KIRREL3: variants seen among roughly 807,000 people sequenced by gnomAD.
The protein encoded by KIRREL3 is kirre like nephrin family adhesion molecule 3, also known as kin of IRRE-like protein 3.
In KIRREL3, 36 loss-of-function variants were observed where a neutral mutation model predicts 89.7. That is an observed-to-expected ratio of 0.40 (90% CI 0.31 to 0.53). KIRREL3 has a LOEUF of 0.53. KIRREL3 is among the 20% of genes least tolerant of loss of function. The probability of loss-of-function intolerance (pLI) is 0.49; values close to 1 mark genes in which losing one functional copy is unlikely to be tolerated. For synonymous variants in KIRREL3, 445 were observed against 441.4 expected (o/e 1.01, Z -0.10); for missense variants, 864 against 1,056.6 (o/e 0.82, Z 2.53).
At chr11:126,511,386 G>A (rs146842827) in intron 4 of KIRREL3, among the ~76,000 whole-genome samples, 7 of 151,592 alleles carry the variant, frequency 4.6e-5, no homozygotes, top group Non-Finnish European at 5.9e-5. Context: ...AGAGGCAGTC[G>A]GTCATGGGTC....
intron 10 of KIRREL3, among the ~76,000 whole-genome samples, chr11:126,442,212 G>C (rs2134182042): frequency 7.0e-6 from 1 of 141,910 alleles, no homozygotes; most frequent in Non-Finnish European, 1.5e-5. Context: ...AGTGAGCCGA[G>C]ATTGCGCCAC....
At position 126,643,477 on chromosome 11, in the gene KIRREL3, GA is replaced by G. The variant is rs1944549675; in HGVS notation, c.56-80566del. Among the ~76,000 whole-genome samples the G allele has an allele frequency of 6.6e-6, 1 of 152,124 alleles. No homozygotes were observed. Among genetic ancestry groups the G allele is most frequent in the African/African-American group, 2.4e-5 (1 of 41,426 alleles). On this transcript the variant is annotated intron_variant, in intron 1 of 16. Coordinates refer to ENST00000525144, the MANE Select transcript of KIRREL3 (RefSeq NM_032531.4). The surrounding 1 kb of genome is among the most constrained non-coding windows in gnomAD (Gnocchi z 4.5). The stretch of plus-strand genomic sequence containing the variant: ...GGGAAAAAACATGAGTATTGAAGTG[GA>G]AAAGAGGAGGTCATGGTTCAGGGAA...
rs1946502032 is a variant in KIRREL3 at position 126,904,622 on chromosome 11, C to A, written c.55+95833G>T. Reference sequence around the variant, plus strand: ...TTTTGACATCAGGAAAAGAAATAATCTGTCTTACAAGGCTGTTCTTACTTA... The same window carrying A: ...TTTTGACATCAGGAAAAGAAATAATATGTCTTACAAGGCTGTTCTTACTTA... On this transcript the variant is annotated intron_variant, in intron 1 of 16. Coordinates refer to ENST00000525144, the MANE Select transcript of KIRREL3 (RefSeq NM_032531.4). The surrounding 1 kb of genome is among the most constrained non-coding windows in gnomAD (Gnocchi z 4.4). 6.6e-6 allele frequency among the ~76,000 whole-genome samples: 1 copy of A among 152,184 alleles called. No individual in the cohort carries two copies. The highest frequency in any genetic ancestry group is 2.4e-5 in the African/African-American group (1 of 41,452).
chr11:126,697,876 G>A lies in KIRREL3; in HGVS notation c.56-134964C>T, dbSNP rs993776863. Among the ~76,000 whole-genome samples the A allele has an allele frequency of 6.6e-6, 1 of 152,204 alleles. No individual in the cohort carries two copies. Among genetic ancestry groups the A allele is most frequent in the African/African-American group, 2.4e-5 (1 of 41,456 alleles). ...TCTTTGTTGGTGATGAGGAGAGTGG[G>A]AGGAAGGGAGAGTGAAGGAAGAAGA... On this transcript the variant is annotated intron_variant, in intron 1 of 16. Transcript: ENST00000525144. The surrounding 1 kb of genome is among the most constrained non-coding windows in gnomAD (Gnocchi z 4.2).
intron 4 of KIRREL3, among the ~76,000 whole-genome samples, 152 bp from the exon 5 acceptor site, chr11:126,473,618 A>G (rs1956988131): frequency 6.6e-6 from 1 of 152,124 alleles, no homozygotes; most frequent in East Asian, 2.0e-4. Context: ...TGATGAGAGC[A>G]GCACCCACAG....
chr11:126,958,861 C>T lies in KIRREL3; in HGVS notation c.55+41594G>A, dbSNP rs148279634. On this transcript the variant is annotated intron_variant, in intron 1 of 16. Coordinates refer to ENST00000525144, the MANE Select transcript of KIRREL3 (RefSeq NM_032531.4). ...TGATGGTTAATTTTATGTGTCAACT[C>T]GACTGGGTTATAAAATTCCCAGATA... 3.2e-3 allele frequency among the ~76,000 whole-genome samples: 483 copies of T among 152,242 alleles called. 1 individual carries two copies. Among genetic ancestry groups the T allele is most frequent in the Admixed American group, 4.3e-3 (65 of 15,292 alleles).
chr11:126,926,024 C>T (rs1947698601), intron 1 of KIRREL3, among the ~76,000 whole-genome samples: 2 of 152,218 alleles, frequency 1.3e-5, no homozygotes, highest in African/African-American at 2.4e-5. Context: ...GGCTGTCTTC[C>T]CATGATGTTC....
intron 1 of KIRREL3, among the ~76,000 whole-genome samples, chr11:126,725,689 C>G (rs908462240): frequency 5.3e-5 from 8 of 152,200 alleles, no homozygotes; most frequent in Non-Finnish European, 1.2e-4. Context: ...TGAGCCCGCT[C>G]TGCCCTCGCT....
rs777802740 is a variant in KIRREL3 at position 126,768,737 on chromosome 11, A to G, written c.56-205825T>C. Among the ~76,000 whole-genome samples, 1 of 152,164 alleles carries G rather than the reference A, an allele frequency of 6.6e-6. No homozygotes were observed. The highest frequency in any genetic ancestry group is 1.5e-5 in the Non-Finnish European group (1 of 68,038). On this transcript the variant is annotated intron_variant, in intron 1 of 16. Coordinates refer to ENST00000525144, the MANE Select transcript of KIRREL3 (RefSeq NM_032531.4). The surrounding 1 kb of genome is among the most constrained non-coding windows in gnomAD (Gnocchi z 4.5). ...GAGCAAGTGCAAAGGTCCTAAGGTGAGAATGACCCAGGTGCCTTCAGGAAT... is the reference window on the plus strand; with the variant it reads ...GAGCAAGTGCAAAGGTCCTAAGGTGGGAATGACCCAGGTGCCTTCAGGAAT...
Position 126,856,881 on chromosome 11 carries a change from C to T in KIRREL3, c.55+143574G>A, listed in dbSNP as rs370112811. 1.2e-3 allele frequency among the ~76,000 whole-genome samples: 183 copies of T among 152,222 alleles called. 3 individuals carry two copies. The South Asian group carries it at 0.036, about 30-fold the overall frequency. The stretch of plus-strand genomic sequence containing the variant: ...GTGCTGGGATTACAGGAGTGAGCCA[C>T]TGCGCTGGGCCCATATTTTGTATTT... On this transcript the variant is annotated intron_variant, in intron 1 of 16. Coordinates refer to ENST00000525144, the MANE Select transcript of KIRREL3 (RefSeq NM_032531.4).
chr11:126,496,378 C>T lies in KIRREL3; in HGVS notation c.434-22912G>A, dbSNP rs1022981035. On this transcript the variant is annotated intron_variant, in intron 4 of 16. Transcript: ENST00000525144. This position sits in a 1 kb window ranked among gnomAD's most constrained non-coding sequence, Gnocchi z 4.9. ...CTTTATAGATGAAGAAACTGAGGGT[C>T]AGAGAGGCTAAGTGATTTGGACAAG... 6.6e-6 allele frequency among the ~76,000 whole-genome samples: 1 copy of T among 152,122 alleles called. No homozygotes were observed. The highest frequency in any genetic ancestry group is 1.5e-5 in the Non-Finnish European group (1 of 68,048).
Position 126,513,731 on chromosome 11 carries a change from C to T in KIRREL3, c.433+7584G>A, listed in dbSNP as rs184402230. Among the ~76,000 whole-genome samples, 78 of 152,104 alleles carry T rather than the reference C, an allele frequency of 5.1e-4. No individual in the cohort carries two copies. Among genetic ancestry groups the T allele is most frequent in the Admixed American group, 1.8e-3 (27 of 15,288 alleles). ...GGGGCAGGGAGATTGTGGGGGGCGA[C>T]CTTGGAGTGCAGCAGGAGGGCAGGG... On this transcript the variant is annotated intron_variant, in intron 4 of 16. Coordinates refer to ENST00000525144, the MANE Select transcript of KIRREL3 (RefSeq NM_032531.4). The surrounding 1 kb of genome is among the most constrained non-coding windows in gnomAD (Gnocchi z 5.9).
rs1951060717 is a variant in KIRREL3, at chr11:126,802,293, C to A, written c.55+198162G>T. On this transcript the variant is annotated intron_variant, in intron 1 of 16. Coordinates refer to ENST00000525144, the MANE Select transcript of KIRREL3 (RefSeq NM_032531.4). This position sits in a 1 kb window ranked among gnomAD's most constrained non-coding sequence, Gnocchi z 5.2. ...GGGCCATGGTCAAGGCAGGTGGGGG[C>A]AGAAACAAAGGAAAAGCAGCCCAGG... is the stretch of plus-strand genomic sequence containing the variant. Among the ~76,000 whole-genome samples the A allele has an allele frequency of 6.6e-6, 1 of 152,004 alleles. No homozygotes were observed. The highest frequency in any genetic ancestry group is 2.4e-5 in the African/African-American group (1 of 41,390).
chr11:126,792,578 C>A (rs1241637424), intron 1 of KIRREL3, among the ~76,000 whole-genome samples: 1 of 152,180 alleles, frequency 6.6e-6, no homozygotes, highest in Non-Finnish European at 1.5e-5. Context: ...CGTCAGAAAA[C>A]ATATACAAGG....
At chr11:126,928,263 C>A (rs1184357849) in intron 1 of KIRREL3, among the ~76,000 whole-genome samples, 2 of 152,198 alleles carry the variant, frequency 1.3e-5, no homozygotes, top group African/African-American at 4.8e-5. Flanking sequence ...GAACAAAGCT[C>A]AGATATCTGG....
At chr11:126,630,167 T>G (rs1943958851) in intron 1 of KIRREL3, among the ~76,000 whole-genome samples, 1 of 152,194 alleles carries the variant, frequency 6.6e-6, no homozygotes, top group Non-Finnish European at 1.5e-5. Flanking sequence ...AAAGTGCTTG[T>G]GAATTTGTTT....
At chr11:126,540,232 C>T (rs987164322) in intron 2 of KIRREL3, among the ~76,000 whole-genome samples, 1 of 152,222 alleles carries the variant, frequency 6.6e-6, no homozygotes, top group Non-Finnish European at 1.5e-5. Flanking sequence ...GATTCTGATA[C>T]ACACGTAAGG....
At chr11:126,506,248 A>G (rs1231866964) in intron 4 of KIRREL3, among the ~76,000 whole-genome samples, 1 of 151,814 alleles carries the variant, frequency 6.6e-6, no homozygotes, top group Admixed American at 6.6e-5. Context: ...AGAAAAAATT[A>G]TCAAACTGAA....
At chr11:126,494,843 A>C (rs1240751084) in intron 4 of KIRREL3, among the ~76,000 whole-genome samples, 1 of 152,246 alleles carries the variant, frequency 6.6e-6, no homozygotes, top group Non-Finnish European at 1.5e-5. Context: ...GCCCACAGAC[A>C]GAGACGGGCA....
Sources: allele counts gnomAD v4.1 joint callset (sites outside exome capture counted in the v4.1 genomes callset), GRCh38; gene constraint gnomAD v4.1.1; non-coding constraint Gnocchi (gnomAD v3.1); transcripts MANE v1.5; gene names NCBI Gene and HGNC (gene_info 2026-07-23, HGNC 2026-07-21).